Variants in USP34 observed in about 807,000 individuals in gnomAD.
The protein encoded by USP34 is ubiquitin carboxyl-terminal hydrolase 34.
A neutral mutation model predicts 460.3 loss-of-function variants in USP34; 70 were observed. The observed-to-expected ratio is 0.15, with a 90% CI of 0.13 to 0.19. USP34 has a LOEUF of 0.19. USP34 is among the 10% of genes least tolerant of loss of function. The pLI is 1.00. For synonymous variants in USP34, 1,647 were observed against 1,405.3 expected (o/e 1.17, Z -3.85); for missense variants, 3,985 against 4,236.2 (o/e 0.94, Z 1.65).
chr2:61,434,129 G>A (rs376101847), intron 1 of USP34, among the ~76,000 whole-genome samples: 28 of 152,286 alleles, frequency 1.8e-4, no homozygotes, highest in South Asian at 6.2e-4. Context: ...TAGTGAAGCA[G>A]CCATGCACCC....
intron 41 of USP34, 189 bp downstream of exon 41, chr2:61,277,975 GC>G (rs1689421491): frequency 1.3e-5 from 9 of 685,834 alleles, no homozygotes; most frequent in Admixed American, 6.7e-5. Context: ...GCCCGGACTT[GC>G]CTTCCGGCAC....
chr2:61,397,173 T>C (rs1054412958), intron 3 of USP34, among the ~76,000 whole-genome samples: 1 of 152,198 alleles, frequency 6.6e-6, no homozygotes, highest in African/African-American at 2.4e-5. Flanking sequence ...CCGGGCATGG[T>C]GGCTCACATA....
rs561737811 is a variant in USP34, at chr2:61,429,024, T to TA, written c.44-8192dup. 3.3e-5 allele frequency among the ~76,000 whole-genome samples: 5 copies of TA among 151,328 alleles called. No individual in the cohort carries two copies. In the East Asian group the frequency reaches 7.8e-4, roughly 23 times the overall value. Reference sequence around the variant, plus strand: ...CATTAGAGTGGATTGAGTTTAAAAATAAAAAAAATAAAATAAATAAAAAGG... The same window carrying TA: ...CATTAGAGTGGATTGAGTTTAAAAATAAAAAAAAATAAAATAAATAAAAAGG... On this transcript the variant is annotated intron_variant, in intron 1 of 79. Transcript: ENST00000398571.
In USP34 at chr2:61,349,370, A is replaced by C. The variant is rs1691872423; in HGVS notation, c.1508-85T>G. The C allele has an allele frequency of 3.5e-6, 5 of 1,408,912 alleles. No homozygotes were observed. In the South Asian group the frequency reaches 3.7e-5, roughly 10 times the overall value. 87.3% of individuals were successfully genotyped at this position (1,408,912 alleles called of 1,614,324 possible). On this transcript the variant is annotated intron_variant, in intron 12 of 79. Transcript: ENST00000398571. ...AGCGTATCAGTTGTTCATATTACAT[A>C]ATCAACAAGATGTAAGTGGAGAAAC...
intron 10 of USP34, among the ~76,000 whole-genome samples, chr2:61,368,107 C>T (rs1251665559): frequency 6.6e-6 from 1 of 152,122 alleles, no homozygotes; most frequent in Non-Finnish European, 1.5e-5. Flanking sequence ...TGCTGTTGTG[C>T]TGTGGAAGCC....
In USP34 at chr2:61,283,286, A is replaced by C. The variant is rs753823721; in HGVS notation, c.4874-17T>G. On this transcript the variant is annotated splice_polypyrimidine_tract_variant and intron_variant, in intron 36 of 79. Coordinates refer to ENST00000398571, the MANE Select transcript of USP34 (RefSeq NM_014709.4). ...AATGTGAAACTAAAGAAAAATTAGA[A>C]AACAGTTCACTATAAAAGGTTTGTG... is the stretch of plus-strand genomic sequence containing the variant. 1.9e-6 allele frequency: 3 copies of C among 1,609,412 alleles called. No individual in the cohort carries two copies. The highest frequency in any genetic ancestry group is 2.5e-6 in the Non-Finnish European group (3 of 1,178,092).
At chr2:61,319,597 C>A (rs1690851914) in intron 21 of USP34, among the ~76,000 whole-genome samples, 1 of 149,272 alleles carries the variant, frequency 6.7e-6, no homozygotes, top group Non-Finnish European at 1.5e-5. Flanking sequence ...GTAATCCTAG[C>A]ACTTTGGGAG....
At chr2:61,380,424 G>A (rs1692935954) in intron 6 of USP34, 63 bp from the exon 7 acceptor site, 2 of 1,499,244 alleles carry the variant, frequency 1.3e-6, no homozygotes, top group African/African-American at 1.4e-5. Flanking sequence ...AGACCACTCA[G>A]TAACTTAAAA....
At chr2:61,358,421 A>C (rs1389897699) in intron 10 of USP34, among the ~76,000 whole-genome samples, 1 of 152,104 alleles carries the variant, frequency 6.6e-6, no homozygotes, top group Non-Finnish European at 1.5e-5. Context: ...AAATTGGACA[A>C]CCTGGAAGAT....
chr2:61,263,179 T>C (rs919195060), intron 43 of USP34, among the ~76,000 whole-genome samples: 5 of 86,668 alleles, frequency 5.8e-5, no homozygotes, highest in African/African-American at 2.1e-4. Context: ...TGGAATTTTT[T>C]TTTTTTTTTT....
At chr2:61,252,869 C>T (rs376933237) in intron 48 of USP34, among the ~76,000 whole-genome samples, 27 of 152,306 alleles carry the variant, frequency 1.8e-4, no homozygotes, top group South Asian at 4.1e-4. Context: ...TGACAGAGCA[C>T]AGCAAAGCAT....
chr2:61,436,094 TCAA>T (rs1694805715), intron 1 of USP34, among the ~76,000 whole-genome samples: 1 of 151,964 alleles, frequency 6.6e-6, no homozygotes, highest in Non-Finnish European at 1.5e-5. Flanking sequence ...CAATATGCTG[TCAA>T]CAAGATACTA....
intron 57 of USP34, among the ~76,000 whole-genome samples, chr2:61,234,716 C>A (rs1688013432): frequency 6.6e-6 from 1 of 152,126 alleles, no homozygotes; most frequent in Non-Finnish European, 1.5e-5. Flanking sequence ...TCTCAGCTCA[C>A]TGCTTCTCTG....
At chr2:61,462,245 G>GAA (rs1260341115) in intron 1 of USP34, among the ~76,000 whole-genome samples, 2 of 143,436 alleles carry the variant, frequency 1.4e-5, no homozygotes, top group Non-Finnish European at 3.0e-5. Context: ...ATCTCAGGGG[G>GAA]AAAAAAAAAA....
At chr2:61,378,305 T>A (rs1692855228) in intron 8 of USP34, 58 bp downstream of exon 8, 13 of 1,268,250 alleles carry the variant, frequency 1.0e-5, no homozygotes, top group African/African-American at 1.6e-5. Context: ...GAATTTACCA[T>A]ATAAACAACT....
chr2:61,347,563 G>A (rs1217374066), intron 15 of USP34, among the ~76,000 whole-genome samples: 1 of 152,040 alleles, frequency 6.6e-6, no homozygotes, highest in African/African-American at 2.4e-5. Flanking sequence ...TAGTAGAGAT[G>A]GGGTTTCACC....
intron 34 of USP34, among the ~76,000 whole-genome samples, chr2:61,288,118 T>C (rs1689742111): frequency 1.3e-5 from 2 of 152,200 alleles, no homozygotes; most frequent in South Asian, 4.1e-4. Flanking sequence ...GCACCAGCTT[T>C]ATCAGGTCCC....
At chr2:61,339,954 A>C (rs1691539158) in intron 16 of USP34, among the ~76,000 whole-genome samples, 1 of 152,094 alleles carries the variant, frequency 6.6e-6, no homozygotes, top group African/African-American at 2.4e-5. Flanking sequence ...TACAAGTGTA[A>C]GCCACTGCAC....
intron 75 of USP34, among the ~76,000 whole-genome samples, chr2:61,201,985 C>A (rs911937376): frequency 2.0e-5 from 3 of 152,200 alleles, no homozygotes. Flanking sequence ...AACGGCCAAT[C>A]TGAATATATT....
Sources: gnomAD v4.1 joint callset for allele counts (sites outside exome capture counted in the v4.1 genomes callset) on GRCh38, gnomAD v4.1.1 for gene constraint, MANE v1.5 for transcripts, NCBI Gene and HGNC (gene_info 2026-07-23, HGNC 2026-07-21) for gene names.